NAALADL2: variants seen among roughly 807,000 people sequenced by gnomAD.
The protein encoded by NAALADL2 is N-acetylated alpha-linked acidic dipeptidase like 2.
NAALADL2 carries 76 observed loss-of-function variants against 87.2 expected under a neutral mutation model. The ratio of observed to expected loss-of-function variants is 0.87; its 90% CI spans 0.72 to 1.05. The LOEUF (loss-of-function observed/expected upper bound fraction) is 1.05, where lower values mean the gene tolerates loss of function less well. Ranked by LOEUF, NAALADL2 falls within the 50% of genes least tolerant of loss-of-function variation. The pLI, the probability that NAALADL2 is intolerant of heterozygous loss-of-function variation, is 0.00. For synonymous variants in NAALADL2, 354 were observed against 331.0 expected, an observed-to-expected ratio of 1.07 and a Z score of -0.75; for missense variants, 1,089 against 945.8, an observed-to-expected ratio of 1.15 and a Z score of -1.99.
At chr3:174,979,067 T>C (rs1195435574) in intron 1 of NAALADL2, among the ~76,000 whole-genome samples, 3 of 152,092 alleles carry the variant, frequency 2.0e-5, no homozygotes, top group Non-Finnish European at 2.9e-5. Flanking sequence ...ATTTAATCCA[T>C]AAAAGAAAAG....
intron 1 of NAALADL2, among the ~76,000 whole-genome samples, chr3:174,994,871 A>G (rs1431212298): frequency 2.6e-5 from 4 of 152,206 alleles, no homozygotes; most frequent in Non-Finnish European, 5.9e-5. Context: ...TTATCTGCTT[A>G]AGTTGGTCAA....
chr3:174,533,848 C>A (rs1721466839), intron 1 of NAALADL2, among the ~76,000 whole-genome samples: 1 of 152,116 alleles, frequency 6.6e-6, no homozygotes, highest in African/African-American at 2.4e-5. Context: ...AGAAACAAAA[C>A]TGTAGTCTTG....
chr3:174,613,789 G>A (rs906623277), intron 2 of NAALADL2, among the ~76,000 whole-genome samples: 1 of 152,146 alleles, frequency 6.6e-6, no homozygotes, highest in Admixed American at 6.5e-5. Context: ...TTGCAAACTG[G>A]TACTTAAGGT....
rs186439960 is a variant in NAALADL2, at chr3:175,055,509, T to C, written c.44-41281T>C. 3.7e-4 allele frequency among the ~76,000 whole-genome samples: 56 copies of C among 152,344 alleles called. No individual in the cohort carries two copies. The East Asian group carries it at 0.011, about 29-fold the overall frequency. Reference sequence around the variant, plus strand: ...ATAAATCTACTGCAGCACTACTGGCTGTGGCAGGGGGCAGACATTGTACAG... The same window carrying C: ...ATAAATCTACTGCAGCACTACTGGCCGTGGCAGGGGGCAGACATTGTACAG... On this transcript the variant is annotated intron_variant, in intron 1 of 13. Coordinates refer to ENST00000454872, the MANE Select transcript of NAALADL2 (RefSeq NM_207015.3).
intron 3 of NAALADL2, among the ~76,000 whole-genome samples, chr3:174,784,563 T>C (rs936179487): frequency 6.6e-6 from 1 of 152,180 alleles, no homozygotes; most frequent in African/African-American, 2.4e-5. Flanking sequence ...ACAGTAAACA[T>C]AGAAGTAATA....
chr3:174,788,384 C>G (rs952441024), intron 3 of NAALADL2, among the ~76,000 whole-genome samples: 1 of 152,170 alleles, frequency 6.6e-6, no homozygotes, highest in African/African-American at 2.4e-5. Context: ...GCACTACAGA[C>G]AGGGTAGCTT....
rs145420464 is a variant in NAALADL2, at chr3:175,751,643, T to C, written c.1991-3577T>C. On this transcript the variant is annotated intron_variant, in intron 12 of 13. Coordinates refer to ENST00000454872, the MANE Select transcript of NAALADL2 (RefSeq NM_207015.3). Reference sequence around the variant, plus strand: ...GTAAACCATACTGTAATCTATCTTTTGATATCCAGTCTTTGGTGTGTAAAC... The same window carrying C: ...GTAAACCATACTGTAATCTATCTTTCGATATCCAGTCTTTGGTGTGTAAAC... 1.8e-3 allele frequency among the ~76,000 whole-genome samples: 268 copies of C among 152,268 alleles called. 2 individuals are homozygous for C. Among genetic ancestry groups the C allele is most frequent in the African/African-American group, 6.3e-3 (262 of 41,582 alleles).
intron 1 of NAALADL2, among the ~76,000 whole-genome samples, chr3:174,865,590 T>G (rs1387590190): frequency 6.6e-6 from 1 of 151,924 alleles, no homozygotes; most frequent in Non-Finnish European, 1.5e-5. Flanking sequence ...CATCCACATT[T>G]CTTCGAGGGA....
At chr3:175,532,077 G>T (rs1323653614) in intron 9 of NAALADL2, among the ~76,000 whole-genome samples, 1 of 152,182 alleles carries the variant, frequency 6.6e-6, no homozygotes, top group African/African-American at 2.4e-5. Context: ...TCTGCCAGCT[G>T]CTAAGTGTGT....
intron 1 of NAALADL2, among the ~76,000 whole-genome samples, chr3:174,473,573 A>C (rs1717037921): frequency 6.6e-6 from 1 of 152,174 alleles, no homozygotes; most frequent in African/African-American, 2.4e-5. Flanking sequence ...AAAAAGATAT[A>C]ATATGCCTAA....
At chr3:174,703,545 T>C (rs1180290361) in intron 2 of NAALADL2, among the ~76,000 whole-genome samples, 1 of 152,144 alleles carries the variant, frequency 6.6e-6, no homozygotes, top group African/African-American at 2.4e-5. Context: ...CGTCATCTTA[T>C]TTCAGATCAT....
chr3:175,543,843 C>T (rs572169064), intron 9 of NAALADL2, among the ~76,000 whole-genome samples: 12 of 152,144 alleles, frequency 7.9e-5, no homozygotes, highest in African/African-American at 2.6e-4. Flanking sequence ...AGAGAACTTA[C>T]ATTAATAAGG....
At chr3:175,237,844 G>A (rs1746174609) in intron 3 of NAALADL2, among the ~76,000 whole-genome samples, 1 of 151,994 alleles carries the variant, frequency 6.6e-6, no homozygotes, top group Admixed American at 6.6e-5. Flanking sequence ...GATAAGATAG[G>A]GTTCAGTAAC....
intron 2 of NAALADL2, among the ~76,000 whole-genome samples, chr3:175,215,550 G>A (rs1742391225): frequency 6.6e-6 from 1 of 152,074 alleles, no homozygotes; most frequent in Non-Finnish European, 1.5e-5. Flanking sequence ...AGCAGACTTT[G>A]CACACCTTTC....
intron 9 of NAALADL2, among the ~76,000 whole-genome samples, chr3:175,473,469 A>G (rs1029704822): frequency 1.5e-4 from 23 of 152,122 alleles, no homozygotes; most frequent in Admixed American, 1.3e-3. Context: ...AAGGTTAGGA[A>G]TATCACAACT....
chr3:174,782,090 G>T (rs1347132637), intron 3 of NAALADL2, among the ~76,000 whole-genome samples: 2 of 151,966 alleles, frequency 1.3e-5, no homozygotes, highest in Non-Finnish European at 2.9e-5. Context: ...CATTGTTTTT[G>T]ACTGTGGCTG....
At chr3:174,965,661 AAG>A (rs1035311094) in intron 1 of NAALADL2, among the ~76,000 whole-genome samples, 1 of 152,156 alleles carries the variant, frequency 6.6e-6, no homozygotes, top group Non-Finnish European at 1.5e-5. Flanking sequence ...GAAGAAGAGA[AAG>A]AGGACATGGA....
intron 1 of NAALADL2, among the ~76,000 whole-genome samples, chr3:175,089,610 A>C (rs1719693608): frequency 6.6e-6 from 1 of 152,198 alleles, no homozygotes; most frequent in Admixed American, 6.5e-5. Context: ...TTAGCATATA[A>C]TTTTGGATGA....
chr3:175,354,881 T>TAC (rs142110969), intron 5 of NAALADL2, among the ~76,000 whole-genome samples: 39,635 of 146,694 alleles, frequency 0.27, 5,683 homozygotes, highest in East Asian at 0.52. Flanking sequence ...TACATATATA[T>TAC]ACACACACAC....
Sources: allele counts gnomAD v4.1 joint callset (sites outside exome capture counted in the v4.1 genomes callset), GRCh38; gene constraint gnomAD v4.1.1; transcripts MANE v1.5; gene names NCBI Gene and HGNC (gene_info 2026-07-23, HGNC 2026-07-21).